The following CTNNA3 variants were observed in gnomAD, a reference collection of about 807,000 sequenced individuals.
CTNNA3 encodes catenin alpha 3.
CTNNA3 carries 76 observed loss-of-function variants against 95.7 expected under a neutral mutation model. The ratio of observed to expected loss-of-function variants is 0.79; its 90% CI spans 0.66 to 0.96. The LOEUF (loss-of-function observed/expected upper bound fraction) is 0.96, where lower values mean the gene tolerates loss of function less well. Among genes scored for constraint, CTNNA3 ranks in the 40% least tolerant of loss-of-function variants. CTNNA3 has a pLI of 0.00. For missense variants in CTNNA3, 1,191 were observed against 1,089.8 expected (o/e 1.09, Z -1.31); for synonymous variants, 431 against 374.4 (o/e 1.15, Z -1.74).
intron 7 of CTNNA3, among the ~76,000 whole-genome samples, chr10:66,872,761 G>T (rs1481882311): frequency 6.6e-6 from 1 of 152,028 alleles, no homozygotes; most frequent in Non-Finnish European, 1.5e-5. Context: ...ATTGTGTGAT[G>T]CTGACATCTA....
In CTNNA3 at chr10:67,471,032, T is replaced by A. The variant is rs972666657; in HGVS notation, c.579+50810A>T. ...GGTTTCACCATGTCGGCCAGGCTAC[T>A]CTCAAAGCCCTGGGGCTCAGGTGAT... On this transcript the variant is annotated intron_variant, in intron 5 of 17. Transcript: ENST00000433211. 1.7e-4 allele frequency among the ~76,000 whole-genome samples: 26 copies of A among 152,100 alleles called. 1 individual carries two copies. Among genetic ancestry groups the A allele is most frequent in the African/African-American group, 6.3e-4 (26 of 41,426 alleles).
chr10:66,844,248 C>G (rs1276168210), intron 7 of CTNNA3, among the ~76,000 whole-genome samples: 5 of 152,144 alleles, frequency 3.3e-5, no homozygotes, highest in African/African-American at 1.2e-4. Flanking sequence ...TATGGTTTTT[C>G]CAAATAATAT....
Position 67,374,586 on chromosome 10 carries a change from C to A in CTNNA3, c.579+147256G>T, listed in dbSNP as rs563394336. ...CTAATGAGACTTTTTTGCTTTAAATCCACTGCATTTTATTTTATTAATTTA... is the reference window on the plus strand; with the variant it reads ...CTAATGAGACTTTTTTGCTTTAAATACACTGCATTTTATTTTATTAATTTA... On this transcript the variant is annotated intron_variant, in intron 5 of 17. Transcript: ENST00000433211. Among the ~76,000 whole-genome samples the A allele has an allele frequency of 5.9e-5, 9 of 152,106 alleles. No homozygotes were observed. The South Asian group carries it at 1.9e-3, about 32-fold the overall frequency.
chr10:67,691,790 G>C (rs1320339775), intron 1 of CTNNA3, among the ~76,000 whole-genome samples: 1 of 144,284 alleles, frequency 6.9e-6, no homozygotes. Context: ...CTGGCCAGCC[G>C]CCCCGTCCAG....
chr10:66,874,003 GCTAC>G (rs1258361009), intron 7 of CTNNA3, among the ~76,000 whole-genome samples: 1 of 152,116 alleles, frequency 6.6e-6, no homozygotes, highest in Non-Finnish European at 1.5e-5. Context: ...AGGTACCAGA[GCTAC>G]CAGATTCAAG....
At chr10:67,360,506 G>A (rs1415755059) in intron 5 of CTNNA3, among the ~76,000 whole-genome samples, 2 of 151,894 alleles carry the variant, frequency 1.3e-5, no homozygotes, top group East Asian at 1.9e-4. Flanking sequence ...GTAAAGGGAT[G>A]GAGAAGCATC....
chr10:66,512,859 T>C (rs1840710169), intron 11 of CTNNA3, among the ~76,000 whole-genome samples: 1 of 152,190 alleles, frequency 6.6e-6, no homozygotes, highest in South Asian at 2.1e-4. Context: ...GTAAGTTTCT[T>C]CTGAGAAATC....
intron 5 of CTNNA3, among the ~76,000 whole-genome samples, chr10:67,346,231 C>T (rs138724787): frequency 1.2e-3 from 178 of 152,088 alleles, no homozygotes; most frequent in African/African-American, 4.2e-3. Flanking sequence ...ATTGGCTCAT[C>T]CTGTAGTCTT....
At chr10:67,501,675 T>C (rs1420158980) in intron 5 of CTNNA3, among the ~76,000 whole-genome samples, 1 of 152,208 alleles carries the variant, frequency 6.6e-6, no homozygotes, top group African/African-American at 2.4e-5. Context: ...TTCATTCTTT[T>C]TTCTCTAATC....
intron 7 of CTNNA3, among the ~76,000 whole-genome samples, chr10:66,903,703 C>T (rs1466456078): frequency 6.6e-6 from 1 of 152,124 alleles, no homozygotes; most frequent in Non-Finnish European, 1.5e-5. Context: ...AATCAATGTG[C>T]AAAAATCACA....
upstream of CTNNA3, among the ~76,000 whole-genome samples, chr10:67,699,627 A>C (rs1476428395): frequency 6.6e-6 from 1 of 152,232 alleles, no homozygotes; most frequent in Non-Finnish European, 1.5e-5. Flanking sequence ...AGCAGTTAAG[A>C]AAAGAGAAGG....
At chr10:66,568,155 C>A (rs1012728181) in intron 10 of CTNNA3, among the ~76,000 whole-genome samples, 1 of 152,042 alleles carries the variant, frequency 6.6e-6, no homozygotes, top group African/African-American at 2.4e-5. Flanking sequence ...AAGATATTAG[C>A]CAAGAAGTGA....
chr10:66,570,393 A>G (rs945557878), intron 10 of CTNNA3, among the ~76,000 whole-genome samples: 3 of 152,004 alleles, frequency 2.0e-5, no homozygotes, highest in Non-Finnish European at 2.9e-5. Context: ...GGTTCAAGCG[A>G]TTCTCCTACT....
At chr10:67,272,719 C>T (rs1589113834) in intron 5 of CTNNA3, among the ~76,000 whole-genome samples, 2 of 152,218 alleles carry the variant, frequency 1.3e-5, no homozygotes, top group East Asian at 1.9e-4. Context: ...ATTTGCAATG[C>T]ACTAAAGCAT....
At chr10:66,295,158 T>C (rs1252507531) in intron 12 of CTNNA3, among the ~76,000 whole-genome samples, 2 of 152,104 alleles carry the variant, frequency 1.3e-5, no homozygotes, top group Non-Finnish European at 2.9e-5. Context: ...TCAAAATTAC[T>C]GTTCAAATGT....
At chr10:66,850,829 A>G (rs1843458694) in intron 7 of CTNNA3, among the ~76,000 whole-genome samples, 1 of 152,154 alleles carries the variant, frequency 6.6e-6, no homozygotes, top group Non-Finnish European at 1.5e-5. Flanking sequence ...AAGTCTCTGA[A>G]TCCAACAGTT....
chr10:67,525,072 G>A (rs969831069), intron 4 of CTNNA3, among the ~76,000 whole-genome samples: 2 of 152,054 alleles, frequency 1.3e-5, no homozygotes, highest in African/African-American at 2.4e-5. Context: ...AATACTGCTG[G>A]ATTTTACTTA....
chr10:67,133,174 T>C (rs1246780458), intron 7 of CTNNA3, among the ~76,000 whole-genome samples: 8 of 151,114 alleles, frequency 5.3e-5, no homozygotes, highest in East Asian at 1.9e-4. Context: ...CAAAAACTCA[T>C]ATGTACTCCG....
At chr10:67,407,649 T>C (rs181284575) in intron 5 of CTNNA3, among the ~76,000 whole-genome samples, 21 of 152,322 alleles carry the variant, frequency 1.4e-4, no homozygotes, top group Admixed American at 1.4e-3. Flanking sequence ...GGTGACATAA[T>C]TGCGTATCTA....
Sources: allele counts gnomAD v4.1 joint callset (sites outside exome capture counted in the v4.1 genomes callset), GRCh38; gene constraint gnomAD v4.1.1; transcripts MANE v1.5; gene names NCBI Gene and HGNC (gene_info 2026-07-23, HGNC 2026-07-21).